GABRG3: variants seen among roughly 807,000 people sequenced by gnomAD.
GABRG3 encodes the protein gamma-aminobutyric acid type A receptor subunit gamma3, also known as gamma-aminobutyric acid receptor subunit gamma-3.
In GABRG3, 25 loss-of-function variants were observed where a neutral mutation model predicts 48.8. The observed-to-expected ratio is 0.51, with a 90% confidence interval of 0.37 to 0.72. The LOEUF is 0.72. Among genes scored for constraint, GABRG3 ranks in the 30% least tolerant of loss-of-function variants. The pLI, the probability that GABRG3 is intolerant of heterozygous loss-of-function variation, is 0.00. For missense variants in GABRG3, 394 were observed against 577.9 expected (o/e 0.68, Z 3.26); for synonymous variants, 227 against 217.6 (o/e 1.04, Z -0.38).
intron 3 of GABRG3, among the ~76,000 whole-genome samples, chr15:27,109,999 G>T (rs1297269986): frequency 6.6e-6 from 1 of 151,994 alleles, no homozygotes; most frequent in Non-Finnish European, 1.5e-5. Flanking sequence ...TCTATTAATT[G>T]GTGTGTTTAG....
At chr15:27,154,878 T>G (rs960922116) in intron 3 of GABRG3, among the ~76,000 whole-genome samples, 5 of 152,160 alleles carry the variant, frequency 3.3e-5, no homozygotes, top group African/African-American at 1.2e-4. Flanking sequence ...CTTCCTTATC[T>G]ATTTTCTGGA....
chr15:27,249,095 C>T (rs539964435), intron 3 of GABRG3, among the ~76,000 whole-genome samples: 11 of 152,284 alleles, frequency 7.2e-5, no homozygotes, highest in South Asian at 4.1e-4. Context: ...ATATTCAACA[C>T]GCGACCTGGG....
intron 3 of GABRG3, among the ~76,000 whole-genome samples, chr15:27,097,045 T>G (rs555233884): frequency 8.2e-5 from 12 of 145,490 alleles, no homozygotes; most frequent in African/African-American, 2.6e-4. Flanking sequence ...AGAGACAGGG[T>G]TTCACCATGT....
At chr15:27,037,681 G>A (rs918811845) in intron 3 of GABRG3, among the ~76,000 whole-genome samples, 5 of 152,196 alleles carry the variant, frequency 3.3e-5, no homozygotes, top group Non-Finnish European at 7.3e-5. Context: ...CCCATTGGAT[G>A]AGGGCAAAGT....
At chr15:27,346,947 C>T (rs1236643752) in intron 5 of GABRG3, among the ~76,000 whole-genome samples, 1 of 151,874 alleles carries the variant, frequency 6.6e-6, no homozygotes, top group Non-Finnish European at 1.5e-5. Context: ...CTAATGATTG[C>T]TGTGTCTCTT....
rs57856249 is a variant in GABRG3, at chr15:27,450,733, G to T, written c.575-29917G>T. 5.8e-4 allele frequency among the ~76,000 whole-genome samples: 88 copies of T among 151,834 alleles called. 1 individual carries two copies. Among genetic ancestry groups the T allele is most frequent in the East Asian group, 2.1e-3 (11 of 5,156 alleles). ...ATAAGGCAATAAAAATGTCGGGGGTGGGGGGGTGGCATCCAAATCTTCTGA... is the reference window on the plus strand; with the variant it reads ...ATAAGGCAATAAAAATGTCGGGGGTTGGGGGGTGGCATCCAAATCTTCTGA... On this transcript the variant is annotated intron_variant, in intron 5 of 9. Transcript: ENST00000615808.
chr15:27,114,356 G>A (rs1897605816), intron 3 of GABRG3, among the ~76,000 whole-genome samples: 1 of 152,120 alleles, frequency 6.6e-6, no homozygotes, highest in South Asian at 2.1e-4. Context: ...AATACATCAT[G>A]AGCTCACCAT....
chr15:27,306,198 ATAATATAAACATATG>A lies in GABRG3; in HGVS notation c.271-20594_271-20580del, dbSNP rs976196080. Among the ~76,000 whole-genome samples, 3 of 133,394 alleles carry A rather than the reference ATAATATAAACATATG, an allele frequency of 2.2e-5. 1 individual carries two copies. The East Asian group carries it at 6.6e-4, about 30-fold the overall frequency. 87.5% of individuals were successfully genotyped at this position (133,394 alleles called of 152,430 possible). On this transcript the variant is annotated intron_variant, in intron 3 of 9. Coordinates refer to ENST00000615808, the MANE Select transcript of GABRG3 (RefSeq NM_033223.5). ...ATAAACATATAATATAAACATATTTATAATATAAACATATGTAATATAAACATATGTTCTATATAT... is the reference window on the plus strand; with the variant it reads ...ATAAACATATAATATAAACATATTTATAATATAAACATATGTTCTATATAT...
intron 3 of GABRG3, among the ~76,000 whole-genome samples, chr15:27,218,853 A>G (rs1889354546): frequency 6.6e-6 from 1 of 152,156 alleles, no homozygotes; most frequent in Non-Finnish European, 1.5e-5. Flanking sequence ...ACCCCACAGT[A>G]TGATAAAGGC....
intron 2 of GABRG3, among the ~76,000 whole-genome samples, chr15:27,011,352 G>C (rs1181790639): frequency 6.6e-6 from 1 of 152,008 alleles, no homozygotes; most frequent in South Asian, 2.1e-4. Flanking sequence ...CTCTCTCACT[G>C]TCCCCTTCCT....
intron 3 of GABRG3, among the ~76,000 whole-genome samples, chr15:27,200,109 C>G (rs1185233530): frequency 1.3e-5 from 2 of 152,020 alleles, no homozygotes; most frequent in Non-Finnish European, 2.9e-5. Flanking sequence ...CTCTTCCAAA[C>G]AAAAAGTAAA....
At chr15:27,381,446 C>T (rs932086087) in intron 5 of GABRG3, among the ~76,000 whole-genome samples, 3 of 152,188 alleles carry the variant, frequency 2.0e-5, no homozygotes, top group Admixed American at 6.5e-5. Flanking sequence ...GACTGGACTC[C>T]TTGGAGTTTT....
chr15:27,134,356 C>G (rs73371680), intron 3 of GABRG3, among the ~76,000 whole-genome samples: 4,693 of 152,226 alleles, frequency 0.031, 265 homozygotes, highest in African/African-American at 0.11. Flanking sequence ...CTTGTCCTCA[C>G]CATATTAAAA....
chr15:27,354,918 G>T (rs1192216568), intron 5 of GABRG3, among the ~76,000 whole-genome samples: 2 of 152,192 alleles, frequency 1.3e-5, no homozygotes, highest in Admixed American at 1.3e-4. Flanking sequence ...ATGAACATTT[G>T]ATGTCAGGCC....
At chr15:27,223,680 G>C (rs975943489) in intron 3 of GABRG3, among the ~76,000 whole-genome samples, 1 of 152,172 alleles carries the variant, frequency 6.6e-6, no homozygotes, top group Non-Finnish European at 1.5e-5. Context: ...ATGCTGGACA[G>C]ACGGATGGGT....
Position 27,397,955 on chromosome 15 carries a change from C to A in GABRG3, c.574+69067C>A, listed in dbSNP as rs577601862. Among the ~76,000 whole-genome samples the A allele has an allele frequency of 1.9e-3, 288 of 152,070 alleles. 1 individual carries two copies. Among genetic ancestry groups the A allele is most frequent in the Non-Finnish European group, 3.7e-3 (251 of 67,996 alleles). ...GAGTAGCTGGGACTACAGGCGCCCG[C>A]CACCACGCCCGGCTAAATTTTTGTA... On this transcript the variant is annotated intron_variant, in intron 5 of 9. Transcript: ENST00000615808.
At chr15:27,532,463 G>T in intron 9 of GABRG3, 137 bp from the exon 10 acceptor site, 1 of 537,564 alleles carries the variant, frequency 1.9e-6, no homozygotes, top group East Asian at 4.1e-5. Context: ...ACTCTCTCCA[G>T]CATGGGGGGA....
At chr15:26,980,096 A>G (rs1270915323) in intron 2 of GABRG3, among the ~76,000 whole-genome samples, 2 of 152,022 alleles carry the variant, frequency 1.3e-5, no homozygotes, top group Non-Finnish European at 2.9e-5. Flanking sequence ...TCAAATTTAT[A>G]TGTTTAGCAT....
rs181893958 is a variant in GABRG3 at position 27,083,219 on chromosome 15, C to G, written c.270+56398C>G. Among the ~76,000 whole-genome samples, 133 of 152,256 alleles carry G rather than the reference C, an allele frequency of 8.7e-4. 1 individual carries two copies. Among genetic ancestry groups the G allele is most frequent in the African/African-American group, 3.1e-3 (128 of 41,554 alleles). Reference sequence around the variant, plus strand: ...ACTTGCAGACAAGCATTAACAAATGCTGTAGTAACAAAGGCTAAGATCATT... The same window carrying G: ...ACTTGCAGACAAGCATTAACAAATGGTGTAGTAACAAAGGCTAAGATCATT... On this transcript the variant is annotated intron_variant, in intron 3 of 9. Coordinates refer to ENST00000615808, the MANE Select transcript of GABRG3 (RefSeq NM_033223.5).
Sources: allele counts gnomAD v4.1 joint callset (sites outside exome capture counted in the v4.1 genomes callset), GRCh38; gene constraint gnomAD v4.1.1; transcripts MANE v1.5; gene names NCBI Gene and HGNC (gene_info 2026-07-23, HGNC 2026-07-21).